ENAH: variants seen among roughly 807,000 people sequenced by gnomAD.
ENAH encodes the protein ENAH actin regulator.
In ENAH, 23 loss-of-function variants were observed where a neutral mutation model predicts 78.7. The ratio of observed to expected loss-of-function variants is 0.29; its 90% CI spans 0.21 to 0.41. The LOEUF is 0.41. ENAH is among the 10% of genes least tolerant of loss of function. The pLI, the probability that ENAH is intolerant of heterozygous loss-of-function variation, is 1.00. For synonymous variants in ENAH, 226 were observed against 241.0 expected, an observed-to-expected ratio of 0.94 and a Z score of 0.58; for missense variants, 544 against 691.0, an observed-to-expected ratio of 0.79 and a Z score of 2.39.
At chr1:225,571,457 C>A (rs2096762038) in intron 1 of ENAH, among the ~76,000 whole-genome samples, 1 of 152,150 alleles carries the variant, frequency 6.6e-6, no homozygotes. Flanking sequence ...CCCCTCTACT[C>A]ACCTTTTATA....
At chr1:225,537,496 T>C (rs958850708) in intron 3 of ENAH, among the ~76,000 whole-genome samples, 1 of 152,230 alleles carries the variant, frequency 6.6e-6, no homozygotes, top group East Asian at 1.9e-4. Flanking sequence ...CATGCCATCA[T>C]ATGCATAAGC....
chr1:225,513,163 C>T, intron 7 of ENAH, 147 bp from the exon 8 acceptor site: 1 of 655,070 alleles, frequency 1.5e-6, no homozygotes, highest in South Asian at 3.0e-5. Context: ...CCAATAGATT[C>T]TTAGCATGAC....
chr1:225,560,723 C>G (rs2096698932), intron 2 of ENAH, among the ~76,000 whole-genome samples: 2 of 152,112 alleles, frequency 1.3e-5, no homozygotes, highest in Non-Finnish European at 2.9e-5. Context: ...ACTAGAAACC[C>G]AAAGCTACTA....
At chr1:225,574,619 A>AAAAAAAAAGATTGT (rs1575581608) in intron 1 of ENAH, among the ~76,000 whole-genome samples, 1 of 28,442 alleles carries the variant, frequency 3.5e-5, no homozygotes, top group African/African-American at 2.2e-4. Context: ...TATAAAAAAA[A>AAAAAAAAAGATTGT]GGCCGGGCGC....
At chr1:225,627,965 A>G (rs1012622474) in intron 1 of ENAH, among the ~76,000 whole-genome samples, 2 of 152,234 alleles carry the variant, frequency 1.3e-5, no homozygotes, top group Non-Finnish European at 2.9e-5. Context: ...AGGGGGCTGA[A>G]AAGCAGAAAA....
At chr1:225,612,088 ATGTCCGAAAAAAC>A (rs2096992989) in intron 1 of ENAH, among the ~76,000 whole-genome samples, 1 of 152,208 alleles carries the variant, frequency 6.6e-6, no homozygotes, top group South Asian at 2.1e-4. Flanking sequence ...TCCTAGATAT[ATGTCCGAAAAAAC>A]TGAAAACAGG....
chr1:225,491,269 G>C lies in ENAH; in HGVS notation c.*6506C>G, dbSNP rs1485503221. 1 of 152,120 alleles carries C rather than the reference G, an allele frequency of 6.6e-6. No individual in the cohort carries two copies. The allele number at this position is 152,120 out of a possible 1,614,324, so 9.4% of individuals were successfully genotyped here. On this transcript the variant is annotated 3_prime_UTR_variant, in exon 14 of 14. Transcript: ENST00000366843. ...GACTCTTCTGTCTCAGCCTCCCGAA[G>C]AGCTGGGATTACAGGTGCCCACCAC...
At chr1:225,549,662 A>G (rs1380430956) in intron 3 of ENAH, among the ~76,000 whole-genome samples, 1 of 152,070 alleles carries the variant, frequency 6.6e-6, no homozygotes, top group Non-Finnish European at 1.5e-5. Flanking sequence ...GGTTATGTAT[A>G]CGCCAGATTA....
chr1:225,577,263 C>T (rs544031629), intron 1 of ENAH, among the ~76,000 whole-genome samples: 2 of 152,198 alleles, frequency 1.3e-5, no homozygotes, highest in Non-Finnish European at 1.5e-5. Context: ...AAATTAGAAA[C>T]TTATCTCCTT....
At chr1:225,572,694 G>A (rs2096769371) in intron 1 of ENAH, among the ~76,000 whole-genome samples, 2 of 152,150 alleles carry the variant, frequency 1.3e-5, no homozygotes, top group South Asian at 4.1e-4. Context: ...GCCTCAAAAT[G>A]AATGCCCAGT....
rs1331472106 is a variant in ENAH at position 225,512,692 on chromosome 1, A to T, written c.1387T>A (p.Ser463Thr). The T allele has an allele frequency of 3.1e-6, 5 of 1,613,596 alleles. No individual in the cohort carries two copies. Among genetic ancestry groups the T allele is most frequent in the Non-Finnish European group, 4.2e-6 (5 of 1,179,876 alleles). ...TCTTTTTGTTCTGTTTCTATTGTTG[A>T]TCCCTTTTCAGCAATTCTTCTCCTA... ...ARRRRIAEKG[S>T]TIETEQKEDK... Residue 463 changes from serine to threonine, a missense_variant, in exon 9 of 14, where the codon TCA becomes ACA. Physicochemically the swap from Ser to Thr is moderately conservative, Grantham distance 58. Around this residue, in one of 4 missense-constraint regions of ENAH, gnomAD observed 97 missense variants for 124.4 expected, o/e 0.78. Transcript: ENST00000366843.
At chr1:225,547,365 C>T (rs868297653) in intron 3 of ENAH, among the ~76,000 whole-genome samples, 4 of 152,084 alleles carry the variant, frequency 2.6e-5, no homozygotes, top group Non-Finnish European at 5.9e-5. Context: ...CCACTGCACC[C>T]GGCCAAGACC....
chr1:225,639,189 G>A (rs931219158), intron 1 of ENAH, among the ~76,000 whole-genome samples: 3 of 152,200 alleles, frequency 2.0e-5, no homozygotes, highest in East Asian at 1.9e-4. Context: ...TATTTGGAAA[G>A]ATACTGACTG....
Position 225,615,623 on chromosome 1 carries a change from G to A in ENAH, c.5+37063C>T, listed in dbSNP as rs184413726. ...GAGCGTCTCTGCCCGGCCGCCCGGC[G>A]TCTGAGATGTGGGGAGCGCCTCTGC... is the stretch of plus-strand genomic sequence containing the variant. On this transcript the variant is annotated intron_variant, in intron 1 of 13. Coordinates refer to ENST00000366843, the MANE Select transcript of ENAH (RefSeq NM_018212.6). 4.8e-5 allele frequency among the ~76,000 whole-genome samples: 7 copies of A among 144,526 alleles called. No individual in the cohort carries two copies. In the East Asian group the frequency reaches 1.0e-3, roughly 21 times the overall value. 94.8% of individuals were successfully genotyped at this position (144,526 alleles called of 152,430 possible).
At chr1:225,633,253 T>C (rs894650051) in intron 1 of ENAH, among the ~76,000 whole-genome samples, 10 of 151,534 alleles carry the variant, frequency 6.6e-5, no homozygotes, top group Non-Finnish European at 1.2e-4. Context: ...GGTTTCACCA[T>C]GTTAGCGAGG....
intron 1 of ENAH, among the ~76,000 whole-genome samples, chr1:225,640,997 G>A (rs543551252): frequency 5.3e-5 from 8 of 150,238 alleles, no homozygotes; most frequent in African/African-American, 1.2e-4. Flanking sequence ...CCGAGTAGCT[G>A]GGACTACAGG....
At chr1:225,633,915 A>G (rs1659576626) in intron 1 of ENAH, among the ~76,000 whole-genome samples, 1 of 152,184 alleles carries the variant, frequency 6.6e-6, no homozygotes, top group Non-Finnish European at 1.5e-5. Context: ...AGGCCTCTGG[A>G]TCAGTAAGGA....
chr1:225,587,852 C>T (rs1480232434), intron 1 of ENAH, among the ~76,000 whole-genome samples: 2 of 152,160 alleles, frequency 1.3e-5, no homozygotes, highest in East Asian at 1.9e-4. Flanking sequence ...CATATAAAGA[C>T]AACTAATTTT....
intron 1 of ENAH, among the ~76,000 whole-genome samples, chr1:225,630,385 C>T (rs1200369135): frequency 6.6e-6 from 1 of 152,150 alleles, no homozygotes; most frequent in Non-Finnish European, 1.5e-5. Context: ...TTTTGTGTTC[C>T]TTTTTGTGCC....
Sources: allele counts gnomAD v4.1 joint callset (sites outside exome capture counted in the v4.1 genomes callset), GRCh38; gene constraint gnomAD v4.1.1; regional missense constraint gnomAD v4.1.1; transcripts MANE v1.5; gene names NCBI Gene and HGNC (gene_info 2026-07-23, HGNC 2026-07-21).